FHIT: variants seen among roughly 807,000 people sequenced by gnomAD.
FHIT encodes bis(5'-adenosyl)-triphosphatase.
In FHIT, 19 loss-of-function variants were observed where a neutral mutation model predicts 17.9. That is an observed-to-expected ratio of 1.06 (90% CI 0.74 to 1.56). The LOEUF (loss-of-function observed/expected upper bound fraction) is 1.56, where lower values mean the gene tolerates loss of function less well. Among genes scored for constraint, FHIT ranks in the 40% most tolerant of loss-of-function variants. The probability of loss-of-function intolerance (pLI) is 0.00; values close to 1 mark genes in which losing one functional copy is unlikely to be tolerated. For synonymous variants in FHIT, 81 were observed against 69.7 expected, an observed-to-expected ratio of 1.16 and a Z score of -0.81; for missense variants, 248 against 189.2, an observed-to-expected ratio of 1.31 and a Z score of -1.82.
intron 2 of FHIT, among the ~76,000 whole-genome samples, chr3:61,182,050 G>C (rs1340845938): frequency 6.6e-6 from 1 of 152,172 alleles, no homozygotes; most frequent in Non-Finnish European, 1.5e-5. Flanking sequence ...ATGTGAAATC[G>C]GATACTCTGA....
intron 4 of FHIT, among the ~76,000 whole-genome samples, chr3:60,733,974 C>T (rs1157250489): frequency 1.3e-5 from 2 of 152,126 alleles, no homozygotes; most frequent in Non-Finnish European, 2.9e-5. Flanking sequence ...AGGATTAAAA[C>T]ACTTAGGTGG....
chr3:59,769,170 A>G (rs887153869), intron 8 of FHIT, among the ~76,000 whole-genome samples: 7 of 152,228 alleles, frequency 4.6e-5, no homozygotes, highest in African/African-American at 1.4e-4. Flanking sequence ...TTCGGAGGAT[A>G]GAAGATCAAC....
intron 5 of FHIT, among the ~76,000 whole-genome samples, chr3:60,224,361 C>T (rs1217516340): frequency 6.6e-6 from 1 of 152,114 alleles, no homozygotes; most frequent in Non-Finnish European, 1.5e-5. Flanking sequence ...TAGATTTTTA[C>T]AGTAAAAGAG....
At chr3:60,068,201 C>T (rs1196879775) in intron 5 of FHIT, among the ~76,000 whole-genome samples, 2 of 152,156 alleles carry the variant, frequency 1.3e-5, no homozygotes, top group African/African-American at 2.4e-5. Flanking sequence ...CACCACTGCA[C>T]TCCAGCCTGG....
chr3:60,955,403 G>C lies in FHIT; in HGVS notation c.-111+86644C>G, dbSNP rs891621221. On this transcript the variant is annotated intron_variant, in intron 3 of 9. Transcript: ENST00000492590. ...TTAGTTCTGGGGTGAATAGTACCTG[G>C]AGTAGCCAAAGTCTTGTGTCAAGCC... Among the ~76,000 whole-genome samples the C allele has an allele frequency of 2.0e-5, 3 of 151,936 alleles. No homozygotes were observed. The South Asian group carries it at 6.2e-4, about 32-fold the overall frequency.
At chr3:60,705,046 A>T (rs2041339282) in intron 4 of FHIT, among the ~76,000 whole-genome samples, 1 of 151,562 alleles carries the variant, frequency 6.6e-6, no homozygotes, top group Non-Finnish European at 1.5e-5. Context: ...TCCACTGTGG[A>T]ATTAAAAAAA....
chr3:61,169,471 AT>A (rs561614285), intron 2 of FHIT, among the ~76,000 whole-genome samples: 33 of 152,326 alleles, frequency 2.2e-4, no homozygotes, highest in Admixed American at 9.2e-4. Context: ...TGAAAATTAT[AT>A]TTTAATGACC....
chr3:60,254,195 C>G lies in FHIT; in HGVS notation c.104-240043G>C, dbSNP rs565777641. Among the ~76,000 whole-genome samples the G allele has an allele frequency of 9.2e-5, 14 of 152,174 alleles. No individual in the cohort carries two copies. The South Asian group carries it at 2.9e-3, about 32-fold the overall frequency. On this transcript the variant is annotated intron_variant, in intron 5 of 9. Transcript: ENST00000492590. ...ATAAAAGTCATGGCATCCTGCAGACCAAAGCAAGACCTAACCCTTGTGTGA... is the reference window on the plus strand; with the variant it reads ...ATAAAAGTCATGGCATCCTGCAGACGAAAGCAAGACCTAACCCTTGTGTGA...
intron 4 of FHIT, among the ~76,000 whole-genome samples, chr3:60,614,829 TTGTTTTTTTTTTG>T (rs1559583622): frequency 1.2e-5 from 1 of 85,934 alleles, no homozygotes; most frequent in Non-Finnish European, 3.1e-5. Flanking sequence ...TGTTTTTTTT[TTGTTTTTTTTTTG>T]TTTTTTGAGA....
At chr3:61,236,851 C>A (rs1166329766) in intron 1 of FHIT, among the ~76,000 whole-genome samples, 1 of 152,182 alleles carries the variant, frequency 6.6e-6, no homozygotes, top group Non-Finnish European at 1.5e-5. Context: ...CTGGCCCACT[C>A]AGAGTAGCAG....
intron 7 of FHIT, among the ~76,000 whole-genome samples, chr3:59,927,944 C>A (rs1032682071): frequency 1.3e-5 from 2 of 152,190 alleles, no homozygotes; most frequent in African/African-American, 4.8e-5. Flanking sequence ...CCCATACTCA[C>A]CTGAGGATTG....
Position 59,829,253 on chromosome 3 carries a change from T to A in FHIT, c.349-76932A>T, listed in dbSNP as rs148283527. 3.5e-3 allele frequency among the ~76,000 whole-genome samples: 538 copies of A among 152,344 alleles called. 4 individuals carry two copies. Among genetic ancestry groups the A allele is most frequent in the African/African-American group, 0.013 (521 of 41,578 alleles). On this transcript the variant is annotated intron_variant, in intron 8 of 9. Transcript: ENST00000492590. The stretch of plus-strand genomic sequence containing the variant: ...GCCTTGGCCTCTGAAAACTTATCTT[T>A]GGTCTATATGGATCTATGTGCATCT...
chr3:61,020,746 A>G (rs1440072830), intron 3 of FHIT, among the ~76,000 whole-genome samples: 1 of 152,148 alleles, frequency 6.6e-6, no homozygotes, highest in Non-Finnish European at 1.5e-5. Context: ...AACAGTCATG[A>G]CCCGTGGGTG....
At chr3:60,452,950 T>C (rs412104) in intron 5 of FHIT, among the ~76,000 whole-genome samples, 15 of 151,674 alleles carry the variant, frequency 9.9e-5, no homozygotes, top group Admixed American at 9.2e-4. Context: ...AATGGAAAAT[T>C]AGTCATTTCT....
intron 5 of FHIT, among the ~76,000 whole-genome samples, chr3:60,076,395 A>G (rs1324901316): frequency 6.6e-6 from 1 of 152,098 alleles, no homozygotes; most frequent in Non-Finnish European, 1.5e-5. Context: ...TAAATAGCCA[A>G]CTTATAAAAT....
At chr3:59,893,566 G>C (rs180800651) in intron 8 of FHIT, among the ~76,000 whole-genome samples, 1 of 152,218 alleles carries the variant, frequency 6.6e-6, no homozygotes, top group East Asian at 1.9e-4. Flanking sequence ...AACATTATAA[G>C]TGCGCTGAAC....
intron 5 of FHIT, among the ~76,000 whole-genome samples, chr3:60,125,643 C>T (rs9856748): frequency 0.41 from 60,986 of 147,660 alleles, 12,939 homozygotes; most frequent in Non-Finnish European, 0.46. Context: ...TGTATATATA[C>T]ATATGTGTGT....
chr3:60,070,104 A>C (rs1344051971), intron 5 of FHIT, among the ~76,000 whole-genome samples: 1 of 152,034 alleles, frequency 6.6e-6, no homozygotes, highest in African/African-American at 2.4e-5. Context: ...CTTTGCAATG[A>C]CCAACTTGGT....
intron 2 of FHIT, among the ~76,000 whole-genome samples, chr3:61,070,257 T>C (rs1263052137): frequency 1.3e-5 from 2 of 152,140 alleles, no homozygotes; most frequent in Non-Finnish European, 2.9e-5. Flanking sequence ...AACTATTTGA[T>C]GTGTGAAAGA....
Sources: allele counts gnomAD v4.1 joint callset (sites outside exome capture counted in the v4.1 genomes callset), GRCh38; gene constraint gnomAD v4.1.1; transcripts MANE v1.5; gene names NCBI Gene and HGNC (gene_info 2026-07-23, HGNC 2026-07-21).